Variants in ANGPT2 observed in about 807,000 individuals in gnomAD.
The protein encoded by ANGPT2 is angiopoietin-2.
Under a neutral mutation model 62.9 loss-of-function variants are expected in ANGPT2, and 28 were observed. That is an observed-to-expected ratio of 0.44 (90% CI 0.33 to 0.61). ANGPT2 has a LOEUF of 0.61. Among genes scored for constraint, ANGPT2 ranks in the 20% least tolerant of loss-of-function variants. The pLI is 0.03. For synonymous variants in ANGPT2, 284 were observed against 207.8 expected, an observed-to-expected ratio of 1.37 and a Z score of -3.15; for missense variants, 727 against 594.9, an observed-to-expected ratio of 1.22 and a Z score of -2.31.
intron 1 of ANGPT2, among the ~76,000 whole-genome samples, chr8:6,550,259 C>G (rs551282722): frequency 9.2e-5 from 14 of 152,352 alleles, no homozygotes; most frequent in Admixed American, 5.9e-4. Flanking sequence ...TGATGCGCAG[C>G]TCAGGCAGCA....
chr8:6,559,888 A>G (rs1247475046), intron 1 of ANGPT2, among the ~76,000 whole-genome samples: 1 of 152,204 alleles, frequency 6.6e-6, no homozygotes, highest in African/African-American at 2.4e-5. Context: ...TTTAACTACT[A>G]CACAGTGAGT....
chr8:6,543,325 T>G (rs1399015173), intron 1 of ANGPT2, among the ~76,000 whole-genome samples: 1 of 152,160 alleles, frequency 6.6e-6, no homozygotes, highest in Non-Finnish European at 1.5e-5. Context: ...TACAGTTACT[T>G]TCTCAGTATG....
chr8:6,552,168 AGG>A (rs1206613639), intron 1 of ANGPT2, among the ~76,000 whole-genome samples: 1 of 152,206 alleles, frequency 6.6e-6, no homozygotes, highest in Non-Finnish European at 1.5e-5. Context: ...CCTGCTTAGA[AGG>A]TAGTTTGGGG....
chr8:6,520,694 C>A (rs886433178), intron 4 of ANGPT2, among the ~76,000 whole-genome samples: 3 of 152,180 alleles, frequency 2.0e-5, no homozygotes, highest in Non-Finnish European at 2.9e-5. Context: ...CCACACCTGG[C>A]CCTTCCCTCC....
rs1825489292 is a variant in ANGPT2, at chr8:6,561,235, T to C, written c.288+1412A>G. On this transcript the variant is annotated intron_variant, in intron 1 of 8. Coordinates refer to ENST00000629816, the MANE Select transcript of ANGPT2 (RefSeq NM_001118887.2). ...AAAGGAGGGAAACTTACTGGAGCGC[T>C]TAGCCAGGAGCTTAAAAAGACATTG... Among the ~76,000 whole-genome samples the C allele has an allele frequency of 2.6e-5, 4 of 152,240 alleles. No individual in the cohort carries two copies. In the South Asian group the frequency reaches 8.3e-4, roughly 32 times the overall value.
intron 1 of ANGPT2, among the ~76,000 whole-genome samples, chr8:6,546,384 G>A (rs530403004): frequency 7.9e-5 from 12 of 152,214 alleles, no homozygotes; most frequent in Non-Finnish European, 1.6e-4. Context: ...TGCTGTTTGT[G>A]AAAAGCAAGT....
chr8:6,548,627 C>T (rs1016090795), intron 1 of ANGPT2, among the ~76,000 whole-genome samples: 10 of 151,874 alleles, frequency 6.6e-5, no homozygotes, highest in African/African-American at 1.9e-4. Context: ...TAATGATGGC[C>T]GTAAGTCATA....
rs1202262772 is a variant in ANGPT2 at position 6,501,342 on chromosome 8, A to C, written c.*1759T>G. ...CACTGTAAGGTGAAGACAGACATAT[A>C]GTAGATGCTAGTTACAGACTGGACT... On this transcript the variant is annotated 3_prime_UTR_variant, in exon 9 of 9. Transcript: ENST00000629816. 3.3e-5 allele frequency: 5 copies of C among 152,232 alleles called. No individual in the cohort carries two copies. Among genetic ancestry groups the C allele is most frequent in the African/African-American group, 1.2e-4 (5 of 41,464 alleles). 9.4% of individuals were successfully genotyped at this position (152,232 alleles called of 1,614,324 possible).
chr8:6,536,991 C>A lies in ANGPT2; in HGVS notation c.289-4504G>T, dbSNP rs867221595. ...GTACAAGAAAAAAAAAAAAAAAAAA[C>A]CAACCCAGTAAATAAGCCATCCTCC... is the stretch of plus-strand genomic sequence containing the variant. On this transcript the variant is annotated intron_variant, in intron 1 of 8. Coordinates refer to ENST00000629816, the MANE Select transcript of ANGPT2 (RefSeq NM_001118887.2). Among the ~76,000 whole-genome samples, 95 of 135,854 alleles carry A rather than the reference C, an allele frequency of 7.0e-4. 1 individual carries two copies. The South Asian group carries it at 0.015, about 22-fold the overall frequency. The allele number at this position is 135,854 out of a possible 152,430, so 89.1% of individuals were successfully genotyped here.
rs1004074174 is a variant in ANGPT2 at position 6,531,848 on chromosome 8, C to G, written c.444+484G>C. On this transcript the variant is annotated intron_variant, in intron 2 of 8. Transcript: ENST00000629816. ...AGACGCTTCTCACTGTCCCACTTGT[C>G]TCCTTCTCCATAAACTCATTCCACA... Among the ~76,000 whole-genome samples, 5 of 152,222 alleles carry G rather than the reference C, an allele frequency of 3.3e-5. No homozygotes were observed. The South Asian group carries it at 8.3e-4, about 25-fold the overall frequency.
Position 6,563,168 on chromosome 8 carries a change from T to G in ANGPT2, c.-234A>C, listed in dbSNP as rs1825815268. The G allele has an allele frequency of 2.6e-6, 1 of 390,378 alleles. No homozygotes were observed. The highest frequency in any genetic ancestry group is 3.7e-5 in the Admixed American group (1 of 27,328). 24.2% of individuals were successfully genotyped at this position (390,378 alleles called of 1,614,324 possible). A position where few individuals can be genotyped will look rare whatever the true frequency, so the allele number is the denominator to read the frequency against. On this transcript the variant is annotated 5_prime_UTR_variant, in exon 1 of 9. Coordinates refer to ENST00000629816, the MANE Select transcript of ANGPT2 (RefSeq NM_001118887.2). Reference sequence around the variant, plus strand: ...AGTGGGAAGAACAGTCCTGCTCACTTGGGAGGGCTGTGTCAGCTTTTACAG... The same window carrying G: ...AGTGGGAAGAACAGTCCTGCTCACTGGGGAGGGCTGTGTCAGCTTTTACAG...
In ANGPT2 at chr8:6,502,897, T is replaced by G. The variant is rs534595782; in HGVS notation, c.*204A>C. On this transcript the variant is annotated 3_prime_UTR_variant, in exon 9 of 9. Coordinates refer to ENST00000629816, the MANE Select transcript of ANGPT2 (RefSeq NM_001118887.2). ...CTGTCTAATCACAATTATGGATGTT[T>G]AGGGTCTTGCTTTGGTCCGTTAAGT... The G allele has an allele frequency of 1.8e-6, 1 of 565,562 alleles. No individual in the cohort carries two copies. Among genetic ancestry groups the G allele is most frequent in the Non-Finnish European group, 3.1e-6 (1 of 324,274 alleles). The allele number at this position is 565,562 out of a possible 1,614,324, so 35.0% of individuals were successfully genotyped here.
chr8:6,547,068 T>A (rs1822728884), intron 1 of ANGPT2, among the ~76,000 whole-genome samples: 1 of 152,090 alleles, frequency 6.6e-6, no homozygotes, highest in Admixed American at 6.6e-5. Context: ...CGTGGTTGCC[T>A]TCGGGCTAAT....
rs199554025 is a variant in ANGPT2, at chr8:6,532,477, T to A, written c.299A>T (p.Tyr100Phe). The change falls in exon 2 of 9, where the codon TAT (tyrosine) becomes TTT (phenylalanine). Residue 100 changes from tyrosine (Y) to phenylalanine (F), a missense_variant. Transcript: ENST00000629816. ...TTCTTTCTTCATGTTGTCCTGGATA[T>A]AATTCTCAAGCTAGAAAAGAACAGT... Reference protein sequence around the residue: ...NTQWLMKLENYIQDNMKKEMV... With the variant: ...NTQWLMKLENFIQDNMKKEMV... 117 of 1,612,062 alleles carry A rather than the reference T, an allele frequency of 7.3e-5. No homozygotes were observed. Among genetic ancestry groups the A allele is most frequent in the Admixed American group, 5.2e-4 (31 of 59,728 alleles).
chr8:6,508,569 G>T, intron 8 of ANGPT2: 1 of 412,714 alleles, frequency 2.4e-6, no homozygotes. Context: ...TACTGTTGTG[G>T]TTGCTACTTG....
At chr8:6,525,875 A>C (rs2442612) in intron 3 of ANGPT2, among the ~76,000 whole-genome samples, 12,886 of 152,288 alleles carry the variant, frequency 0.085, 731 homozygotes, top group African/African-American at 0.15. Context: ...GATTGGAAAA[A>C]TATTTGCAAA....
At chr8:6,519,777 G>C in intron 5 of ANGPT2, 87 bp downstream of exon 5, 2 of 1,499,190 alleles carry the variant, frequency 1.3e-6, no homozygotes, top group Non-Finnish European at 9.1e-7. Context: ...AAGATCTTTG[G>C]GGAGAGACTT....
intron 1 of ANGPT2, among the ~76,000 whole-genome samples, chr8:6,547,162 AC>A (rs1324653174): frequency 2.0e-5 from 3 of 152,086 alleles, no homozygotes; most frequent in Admixed American, 2.0e-4. Context: ...TTGCCTCCTC[AC>A]CATCCTCACT....
At chr8:6,558,582 A>G (rs1481546680) in intron 1 of ANGPT2, among the ~76,000 whole-genome samples, 1 of 152,176 alleles carries the variant, frequency 6.6e-6, no homozygotes, top group Admixed American at 6.5e-5. Flanking sequence ...CTGTTTGACA[A>G]CTGTAAAGAG....
Sources: gnomAD v4.1 joint callset for allele counts (sites outside exome capture counted in the v4.1 genomes callset) on GRCh38, gnomAD v4.1.1 for gene constraint, MANE v1.5 for transcripts, NCBI Gene and HGNC (gene_info 2026-07-23, HGNC 2026-07-21) for gene names.